The following S100P variants were observed in gnomAD, a reference collection of about 807,000 sequenced individuals.
S100P encodes the protein S100 calcium binding protein P, also known as protein S100-P.
A neutral mutation model predicts 4.7 loss-of-function variants in S100P; 7 were observed. That is an observed-to-expected ratio of 1.48 (90% CI 0.84 to 2.77). The LOEUF is 2.77. Among genes scored for constraint, S100P ranks in the 30% most tolerant of loss-of-function variants. The pLI, the probability that S100P is intolerant of heterozygous loss-of-function variation, is 0.00. For synonymous variants in S100P, 48 were observed against 49.0 expected (o/e 0.98, Z 0.08); for missense variants, 122 against 120.6 (o/e 1.01, Z -0.06).
rs746250667 is a variant in S100P, at chr4:6,696,870, CCTTGAGCCTCT to C, written c.139-20_139-10del. 2.6e-4 allele frequency: 413 copies of C among 1,605,774 alleles called. 2 individuals carry two copies. Among genetic ancestry groups the C allele is most frequent in the Non-Finnish European group, 9.8e-5 (115 of 1,174,852 alleles). ...CCTGCACAGGCACCCTCACTGCTGACCTTGAGCCTCTCTCTCCTCTAGAGTGGAAAAGACAA... is the reference window on the plus strand; with the variant it reads ...CCTGCACAGGCACCCTCACTGCTGACCTCTCCTCTAGAGTGGAAAAGACAA... On this transcript the variant is annotated splice_polypyrimidine_tract_variant and intron_variant, in intron 1 of 1. Transcript: ENST00000296370.
rs560138763 is a variant in S100P at position 6,694,092 on chromosome 4, G to A, written c.138+22G>A. 5.7e-6 allele frequency: 9 copies of A among 1,589,488 alleles called. No homozygotes were observed. In the South Asian group the frequency reaches 9.1e-5, roughly 16 times the overall value. ...GCAGGTGAGCCAGGCCGGCAGTGCT[G>A]GACTCAGCGGGGGCTGGGGAAGAAG... On this transcript the variant is annotated intron_variant, in intron 1 of 1. Transcript: ENST00000296370.
intron 1 of S100P, among the ~76,000 whole-genome samples, chr4:6,696,284 CAG>C (rs1714370736): frequency 6.6e-6 from 1 of 152,216 alleles, no homozygotes; most frequent in African/African-American, 2.4e-5. Context: ...GGGACCCAAG[CAG>C]AGAGGAAGAA....
chr4:6,695,859 C>T (rs1386750226), intron 1 of S100P, among the ~76,000 whole-genome samples: 1 of 152,228 alleles, frequency 6.6e-6, no homozygotes, highest in East Asian at 1.9e-4. Context: ...CAACCCAGCG[C>T]CCCGCACAGT....
In S100P at chr4:6,693,959, C is replaced by T; in HGVS notation, c.27C>T (p.Gly9=). 6.2e-7 allele frequency: 1 copy of T among 1,614,160 alleles called. No homozygotes were observed. Among genetic ancestry groups the T allele is most frequent in the Non-Finnish European group, 8.5e-7 (1 of 1,180,022 alleles). The part of the protein sequence containing the change: MTELETAM[G]MIIDVFSRYS... ...TGACGGAACTAGAGACAGCCATGGG[C>T]ATGATCATAGACGTCTTTTCCCGAT... Residue 9 remains glycine, a synonymous_variant, in exon 1 of 2, where the codon GGC becomes GGT. Coordinates refer to ENST00000296370, the MANE Select transcript of S100P (RefSeq NM_005980.3).
chr4:6,694,068 CAGGT>C lies in S100P; in HGVS notation c.137_138+2del, dbSNP rs1473779329. The C allele has an allele frequency of 8.1e-6, 13 of 1,607,610 alleles. No individual in the cohort carries two copies. Among genetic ancestry groups the C allele is most frequent in the Admixed American group, 1.7e-5 (1 of 59,554 alleles). On this transcript the variant is annotated splice_donor_variant and coding_sequence_variant, in exon 1 of 2. Coordinates refer to ENST00000296370, the MANE Select transcript of S100P (RefSeq NM_005980.3). LOFTEE classifies it high-confidence loss of function. Reference sequence around the variant, plus strand: ...GGAGAAGGAGCTACCAGGCTTCCTGCAGGTGAGCCAGGCCGGCAGTGCTGGACTC... The same window carrying C: ...GGAGAAGGAGCTACCAGGCTTCCTGCGAGCCAGGCCGGCAGTGCTGGACTC...
intron 1 of S100P, 95 bp downstream of exon 1, chr4:6,694,165 G>A (rs777786695): frequency 5.7e-6 from 7 of 1,233,620 alleles, no homozygotes; most frequent in Non-Finnish European, 7.8e-6. Flanking sequence ...GGGGTCGGCG[G>A]TCAAGGGGCT....
rs139908776 is a variant in S100P at position 6,694,658 on chromosome 4, C to A, written c.138+588C>A. On this transcript the variant is annotated intron_variant, in intron 1 of 1. Transcript: ENST00000296370. ...GGAGGAGCCACCGGCCTGAGCCTCA[C>A]AGAAGGCCCCTCAGGGCGGCCAGGA... Among the ~76,000 whole-genome samples the A allele has an allele frequency of 6.4e-3, 977 of 152,310 alleles. 12 individuals are homozygous for A. The highest frequency in any genetic ancestry group is 0.022 in the African/African-American group (914 of 41,570).
intron 1 of S100P, among the ~76,000 whole-genome samples, chr4:6,696,661 C>A (rs1714378638): frequency 6.6e-6 from 1 of 152,258 alleles, no homozygotes; most frequent in Non-Finnish European, 1.5e-5. Context: ...AATTCCAATT[C>A]GCTCTAAAAA....
intron 1 of S100P, among the ~76,000 whole-genome samples, chr4:6,694,331 T>TG (rs1714317381): frequency 6.6e-6 from 1 of 152,180 alleles, no homozygotes; most frequent in African/African-American, 2.4e-5. Context: ...AGTGTATTTG[T>TG]GACAGGCCTG....
In S100P at chr4:6,697,087, G is replaced by A; in HGVS notation, c.*45G>A. The A allele has an allele frequency of 6.4e-7, 1 of 1,558,340 alleles. No individual in the cohort carries two copies. On this transcript the variant is annotated 3_prime_UTR_variant, in exon 2 of 2. Coordinates refer to ENST00000296370, the MANE Select transcript of S100P (RefSeq NM_005980.3). ...ATTCCTGGCAGAGCCATGGTCCCAG[G>A]CTTCCCAAAAGTGTTTGTTGGCAAT...
chr4:6,696,038 A>G (rs1263461955), intron 1 of S100P, among the ~76,000 whole-genome samples: 1 of 152,214 alleles, frequency 6.6e-6, no homozygotes, highest in Non-Finnish European at 1.5e-5. Context: ...TAAGGTCTTC[A>G]TGCACACAGT....
chr4:6,696,610 C>T (rs577410912), intron 1 of S100P, among the ~76,000 whole-genome samples: 3 of 152,216 alleles, frequency 2.0e-5, no homozygotes, highest in Non-Finnish European at 4.4e-5. Context: ...AAAGACAACC[C>T]CCGGCAAAAA....
At chr4:6,696,837 G>C in intron 1 of S100P, 56 bp from the exon 2 acceptor site, 2 of 1,548,912 alleles carry the variant, frequency 1.3e-6, no homozygotes, top group Non-Finnish European at 1.8e-6. Context: ...CTTGGTGGAG[G>C]CTGAGGCCCT....
chr4:6,695,140 A>AT (rs977186910), intron 1 of S100P, among the ~76,000 whole-genome samples: 6 of 150,756 alleles, frequency 4.0e-5, no homozygotes, highest in African/African-American at 1.2e-4. Flanking sequence ...TAATTTTTGT[A>AT]TTTTTTTTAG....
chr4:6,697,043 T>C lies in S100P; in HGVS notation c.*1T>C. On this transcript the variant is annotated 3_prime_UTR_variant, in exon 2 of 2. Transcript: ENST00000296370. ...CTTTGAGAAGGCAGGACTCAAATGA[T>C]GCCCTGGAGATGTCACAGATTCCTG... is the stretch of plus-strand genomic sequence containing the variant. 1 of 1,609,700 alleles carries C rather than the reference T, an allele frequency of 6.2e-7. No homozygotes were observed.
At chr4:6,695,690 A>C (rs1714356368) in intron 1 of S100P, among the ~76,000 whole-genome samples, 1 of 152,202 alleles carries the variant, frequency 6.6e-6, no homozygotes, top group South Asian at 2.1e-4. Flanking sequence ...GGTCCAGCTA[A>C]TGTGTTACAT....
At position 6,696,919 on chromosome 4, in the gene S100P, T is replaced by C. The variant is rs746626723; in HGVS notation, c.165T>C (p.Asp55=). ...GTGGAAAAGACAAGGATGCCGTGGA[T>C]AAATTGCTCAAGGACCTGGACGCCA... is the stretch of plus-strand genomic sequence containing the variant. ...LQSGKDKDAV[D]KLLKDLDANG... is the part of the protein sequence containing the mutation. The change falls in exon 2 of 2, where the codon GAT becomes GAC. Residue 55 remains aspartate (D), a synonymous_variant. Coordinates refer to ENST00000296370, the MANE Select transcript of S100P (RefSeq NM_005980.3). The C allele has an allele frequency of 8.7e-6, 14 of 1,614,022 alleles. No individual in the cohort carries two copies. In the South Asian group the frequency reaches 1.4e-4, roughly 16 times the overall value.
intron 1 of S100P, among the ~76,000 whole-genome samples, chr4:6,696,082 T>G (rs1157030907): frequency 2.6e-5 from 4 of 152,204 alleles, no homozygotes; most frequent in African/African-American, 9.7e-5. Flanking sequence ...TTCTACCAAT[T>G]TTAATTGTGT....
intron 1 of S100P, among the ~76,000 whole-genome samples, chr4:6,696,244 C>T (rs1188489324): frequency 1.3e-5 from 2 of 152,222 alleles, no homozygotes; most frequent in African/African-American, 4.8e-5. Flanking sequence ...CCCTGCCGGC[C>T]TGGCCTTCTC....
Sources: allele counts gnomAD v4.1 joint callset (sites outside exome capture counted in the v4.1 genomes callset), GRCh38; gene constraint gnomAD v4.1.1; transcripts MANE v1.5; gene names NCBI Gene and HGNC (gene_info 2026-07-23, HGNC 2026-07-21).